Variants in SLC39A11 observed in about 807,000 individuals in gnomAD.
The protein encoded by SLC39A11 is solute carrier family 39 member 11, also known as zinc transporter ZIP11.
SLC39A11 carries 33 observed loss-of-function variants against 36.1 expected under a neutral mutation model. The observed-to-expected ratio is 0.91, with a 90% CI of 0.69 to 1.22. The LOEUF (loss-of-function observed/expected upper bound fraction) is 1.22. SLC39A11 is among the 50% of genes most tolerant of loss of function. The pLI is 0.00. For synonymous variants in SLC39A11, 166 were observed against 170.3 expected (o/e 0.97, Z 0.20); for missense variants, 432 against 430.3 (o/e 1.00, Z -0.03).
intron 7 of SLC39A11, among the ~76,000 whole-genome samples, chr17:72,670,077 T>C: frequency 6.6e-6 from 1 of 151,032 alleles, no homozygotes; most frequent in Middle Eastern, 3.5e-3. Flanking sequence ...TATATACGTA[T>C]AGATGTATAT....
chr17:72,754,749 A>G (rs1346723403), intron 6 of SLC39A11, among the ~76,000 whole-genome samples: 1 of 152,226 alleles, frequency 6.6e-6, no homozygotes, highest in African/African-American at 2.4e-5. Context: ...GCTGACACAC[A>G]CAGGATGCAG....
chr17:72,708,707 A>C (rs1428381257), intron 7 of SLC39A11, among the ~76,000 whole-genome samples: 1 of 152,210 alleles, frequency 6.6e-6, no homozygotes, highest in Non-Finnish European at 1.5e-5. Flanking sequence ...AGTTCCATTC[A>C]GTCTCCTTGA....
At chr17:72,968,735 C>T (rs1027958769) in intron 4 of SLC39A11, among the ~76,000 whole-genome samples, 1 of 152,216 alleles carries the variant, frequency 6.6e-6, no homozygotes, top group African/African-American at 2.4e-5. Flanking sequence ...AAAAATGCAG[C>T]CACCACAGAA....
At chr17:73,078,161 C>T (rs2060386968) in intron 3 of SLC39A11, among the ~76,000 whole-genome samples, 1 of 151,124 alleles carries the variant, frequency 6.6e-6, no homozygotes, top group Non-Finnish European at 1.5e-5. Context: ...TGGCATGAAC[C>T]CGGGAGGCGG....
At chr17:72,661,991 C>T (rs766212707) in intron 7 of SLC39A11, among the ~76,000 whole-genome samples, 15 of 152,178 alleles carry the variant, frequency 9.9e-5, no homozygotes, top group Non-Finnish European at 1.8e-4. Flanking sequence ...TGAAGACCTT[C>T]ACCTGCTAAG....
chr17:72,703,236 G>A (rs1052792664), intron 7 of SLC39A11, among the ~76,000 whole-genome samples: 3 of 152,184 alleles, frequency 2.0e-5, no homozygotes, highest in Non-Finnish European at 4.4e-5. Flanking sequence ...TGATGTGCTG[G>A]TGTGTATGTG....
chr17:72,900,995 A>C (rs1046550650), intron 5 of SLC39A11, among the ~76,000 whole-genome samples: 2 of 148,646 alleles, frequency 1.3e-5, no homozygotes, highest in African/African-American at 5.0e-5. Flanking sequence ...AAAAAACACG[A>C]AAAAAAAACA....
At chr17:72,866,276 G>A (rs1000108688) in intron 5 of SLC39A11, among the ~76,000 whole-genome samples, 1 of 152,198 alleles carries the variant, frequency 6.6e-6, no homozygotes, top group African/African-American at 2.4e-5. Flanking sequence ...AGAATCTAAT[G>A]CCTGATGATC....
chr17:72,980,752 C>T lies in SLC39A11; in HGVS notation c.307-32877G>A, dbSNP rs1368517122. Among the ~76,000 whole-genome samples the T allele has an allele frequency of 4.6e-5, 7 of 152,076 alleles. No individual in the cohort carries two copies. The East Asian group carries it at 5.8e-4, about 13-fold the overall frequency. ...TAAAAATAGAATGTGAGGCTGGGCA[C>T]GGTGGCTCATGCCTGTAATCCCGAC... On this transcript the variant is annotated intron_variant, in intron 4 of 9. Transcript: ENST00000255559.
intron 6 of SLC39A11, among the ~76,000 whole-genome samples, chr17:72,738,612 A>G (rs1444712230): frequency 6.6e-6 from 1 of 152,204 alleles, no homozygotes; most frequent in East Asian, 1.9e-4. Context: ...GAGTGGAAGC[A>G]CAGCATCAGG....
chr17:73,075,906 G>A (rs2060303998), intron 3 of SLC39A11, among the ~76,000 whole-genome samples: 1 of 152,176 alleles, frequency 6.6e-6, no homozygotes, highest in Non-Finnish European at 1.5e-5. Flanking sequence ...TAAACTCACT[G>A]TCCCTGTAAA....
chr17:72,741,317 A>G (rs2074690120), intron 6 of SLC39A11, among the ~76,000 whole-genome samples: 1 of 152,214 alleles, frequency 6.6e-6, no homozygotes, highest in Non-Finnish European at 1.5e-5. Flanking sequence ...TCAGCCTCTC[A>G]AAGTGCTGAG....
intron 5 of SLC39A11, 147 bp downstream of exon 5, chr17:72,947,605 G>A: frequency 1.7e-6 from 2 of 1,158,086 alleles, no homozygotes; most frequent in Non-Finnish European, 2.5e-6. Flanking sequence ...TTAGCTCCAT[G>A]CAGTAGTAGG....
intron 6 of SLC39A11, among the ~76,000 whole-genome samples, chr17:72,780,142 T>C (rs972352854): frequency 1.3e-5 from 2 of 152,162 alleles, no homozygotes; most frequent in Non-Finnish European, 2.9e-5. Flanking sequence ...AGGCAGTCTG[T>C]GGACTAAGCA....
chr17:73,048,350 C>CT (rs2059389412), intron 3 of SLC39A11, among the ~76,000 whole-genome samples: 1 of 152,128 alleles, frequency 6.6e-6, no homozygotes, highest in Non-Finnish European at 1.5e-5. Flanking sequence ...ATCCATGTTG[C>CT]TAGAAAGTAC....
At chr17:72,956,254 G>A (rs1011980479) in intron 4 of SLC39A11, among the ~76,000 whole-genome samples, 2 of 152,198 alleles carry the variant, frequency 1.3e-5, no homozygotes, top group Non-Finnish European at 2.9e-5. Context: ...ACTATCTTGT[G>A]AGAGACAAAA....
In SLC39A11 at chr17:73,088,661, C is replaced by A; in HGVS notation, c.104G>T (p.Gly35Val). ...AACCAAAGCAAGGCAACTCACCTGTCCACTAGAGAATACGAACACGAGAGC... is the reference window on the plus strand; with the variant it reads ...AACCAAAGCAAGGCAACTCACCTGTACACTAGAGAATACGAACACGAGAGC... The part of the protein sequence containing the change: ...GAALVFVFSS[G>V]QRRILDGSLG... The change falls in exon 2 of 10, where the codon GGA (glycine) becomes GTA (valine). Residue 35 changes from glycine to valine, a missense_variant. Gly to Val is a moderately radical substitution (Grantham distance 109, BLOSUM62 -3). Transcript: ENST00000255559. 1.9e-6 allele frequency: 3 copies of A among 1,611,246 alleles called. No individual in the cohort carries two copies. Among genetic ancestry groups the A allele is most frequent in the Non-Finnish European group, 2.5e-6 (3 of 1,178,696 alleles).
chr17:73,028,924 C>G (rs1393646222), intron 4 of SLC39A11, among the ~76,000 whole-genome samples: 1 of 151,866 alleles, frequency 6.6e-6, no homozygotes, highest in East Asian at 1.9e-4. Context: ...TCAAGACCAG[C>G]CTGGCCAACA....
At chr17:72,884,773 C>A (rs4494615) in intron 5 of SLC39A11, among the ~76,000 whole-genome samples, 1 of 152,004 alleles carries the variant, frequency 6.6e-6, no homozygotes, top group East Asian at 1.9e-4. Flanking sequence ...AGACTGGAAA[C>A]CTTAAAGCTA....
Sources: gnomAD v4.1 joint callset for allele counts (sites outside exome capture counted in the v4.1 genomes callset) on GRCh38, gnomAD v4.1.1 for gene constraint, MANE v1.5 for transcripts, NCBI Gene and HGNC (gene_info 2026-07-23, HGNC 2026-07-21) for gene names.